Variants in ERBB4 observed in about 807,000 individuals in gnomAD.
The protein encoded by ERBB4 is erb-b2 receptor tyrosine kinase 4.
ERBB4 carries 42 observed loss-of-function variants against 158.0 expected under a neutral mutation model. That is an observed-to-expected ratio of 0.27 (90% CI 0.21 to 0.34). The LOEUF is 0.34. ERBB4 is among the 10% of genes least tolerant of loss of function. ERBB4 has a pLI of 1.00. For missense variants in ERBB4, 1,333 were observed against 1,624.1 expected (o/e 0.82, Z 3.08); for synonymous variants, 583 against 558.7 (o/e 1.04, Z -0.61).
intron 1 of ERBB4, among the ~76,000 whole-genome samples, chr2:212,160,190 C>A (rs952586897): frequency 6.6e-6 from 1 of 151,912 alleles, no homozygotes; most frequent in Non-Finnish European, 1.5e-5. Context: ...AAGACAAGAA[C>A]CAATTAGTGT....
At chr2:211,430,157 ATATATT>A (rs2063718991) in intron 21 of ERBB4, among the ~76,000 whole-genome samples, 1 of 152,170 alleles carries the variant, frequency 6.6e-6, no homozygotes, top group Non-Finnish European at 1.5e-5. Flanking sequence ...CATATAATAA[ATATATT>A]TATATGACAT....
intron 20 of ERBB4, among the ~76,000 whole-genome samples, chr2:211,435,175 T>C (rs2063822791): frequency 6.6e-6 from 1 of 152,152 alleles, no homozygotes; most frequent in Non-Finnish European, 1.5e-5. Flanking sequence ...AGTTTCAAGA[T>C]GAACAAATAA....
At chr2:211,389,177 A>G (rs975150490) in intron 25 of ERBB4, among the ~76,000 whole-genome samples, 10 of 152,234 alleles carry the variant, frequency 6.6e-5, no homozygotes, top group Non-Finnish European at 1.3e-4. Context: ...CTGGGACTAC[A>G]GGCACCTGCC....
chr2:211,506,664 AAAC>A (rs559271317), intron 20 of ERBB4, among the ~76,000 whole-genome samples: 4 of 151,904 alleles, frequency 2.6e-5, no homozygotes, highest in African/African-American at 7.2e-5. Context: ...ACTTTTGGGT[AAAC>A]AACAACAATA....
intron 20 of ERBB4, among the ~76,000 whole-genome samples, chr2:211,435,964 T>G (rs1352330274): frequency 1.3e-4 from 3 of 22,600 alleles, no homozygotes; most frequent in African/African-American, 6.6e-4. Context: ...GTTTTCTTTG[T>G]TTTTTTTTTT....
rs1490370914 is a variant in ERBB4 at position 212,221,783 on chromosome 2, C to T, written c.83-96880G>A. Reference sequence around the variant, plus strand: ...CTCATACTACTACTATTCCTTGATGCTAACAGGAGACCCAAATGTGACTTT... The same window carrying T: ...CTCATACTACTACTATTCCTTGATGTTAACAGGAGACCCAAATGTGACTTT... On this transcript the variant is annotated intron_variant, in intron 1 of 27. Transcript: ENST00000342788. 2.0e-5 allele frequency among the ~76,000 whole-genome samples: 3 copies of T among 151,590 alleles called. No homozygotes were observed. In the South Asian group the frequency reaches 6.2e-4, roughly 31 times the overall value.
At chr2:211,957,669 A>C (rs1306336863) in intron 2 of ERBB4, among the ~76,000 whole-genome samples, 1 of 152,156 alleles carries the variant, frequency 6.6e-6, no homozygotes. Flanking sequence ...GGTCTGGCTC[A>C]TAGCTATCAC....
intron 2 of ERBB4, among the ~76,000 whole-genome samples, chr2:212,007,078 T>C (rs1308877515): frequency 6.6e-6 from 1 of 152,028 alleles, no homozygotes; most frequent in Non-Finnish European, 1.5e-5. Context: ...TAAGTAGTAA[T>C]CAACATTTAC....
At chr2:211,524,238 T>TC (rs767926973) in intron 20 of ERBB4, among the ~76,000 whole-genome samples, 1 of 152,154 alleles carries the variant, frequency 6.6e-6, no homozygotes, top group Non-Finnish European at 1.5e-5. Flanking sequence ...GGGTGCTGAT[T>TC]GGTGTGTTTA....
chr2:212,318,031 A>G (rs1033711252), intron 1 of ERBB4, among the ~76,000 whole-genome samples: 5 of 151,780 alleles, frequency 3.3e-5, no homozygotes, highest in African/African-American at 1.2e-4. Flanking sequence ...TTGAATACTT[A>G]TGCTTGATCC....
intron 3 of ERBB4, among the ~76,000 whole-genome samples, chr2:211,819,221 G>A (rs1371203): frequency 0.77 from 117,460 of 151,942 alleles, 45,555 homozygotes; most frequent in Non-Finnish European, 0.8. Flanking sequence ...AAAACATTTT[G>A]TGATTGCACA....
chr2:211,523,180 T>C (rs1403263182), intron 20 of ERBB4, among the ~76,000 whole-genome samples: 2 of 138,294 alleles, frequency 1.4e-5, no homozygotes. Context: ...AAAAGCACCT[T>C]CACAAGAACC....
chr2:211,432,753 T>C (rs1307426420), intron 20 of ERBB4, among the ~76,000 whole-genome samples: 1 of 151,346 alleles, frequency 6.6e-6, no homozygotes, highest in Non-Finnish European at 1.5e-5. Flanking sequence ...GGAATATATG[T>C]TGGCAACAGG....
chr2:211,588,093 T>C (rs537143661), intron 19 of ERBB4, among the ~76,000 whole-genome samples: 4 of 152,326 alleles, frequency 2.6e-5, no homozygotes, highest in South Asian at 4.1e-4. Flanking sequence ...AAGTGATAAA[T>C]AGCAAGGTAT....
At chr2:212,081,537 C>T (rs1011273432) in intron 2 of ERBB4, among the ~76,000 whole-genome samples, 4 of 151,986 alleles carry the variant, frequency 2.6e-5, no homozygotes, top group African/African-American at 9.7e-5. Flanking sequence ...CTGAGTGGTG[C>T]TAATGTTATA....
At chr2:212,037,030 T>G (rs1446242308) in intron 2 of ERBB4, among the ~76,000 whole-genome samples, 1 of 152,210 alleles carries the variant, frequency 6.6e-6, no homozygotes, top group Admixed American at 6.5e-5. Flanking sequence ...TAGAGAAAAT[T>G]ATTCAGCTAT....
intron 1 of ERBB4, among the ~76,000 whole-genome samples, chr2:212,415,091 T>C (rs767527810): frequency 1.4e-4 from 21 of 152,210 alleles, no homozygotes; most frequent in Non-Finnish European, 2.8e-4. Flanking sequence ...GATGAGGTCA[T>C]AATCTCATTG....
chr2:212,075,633 T>C (rs2078251600), intron 2 of ERBB4, among the ~76,000 whole-genome samples: 1 of 151,654 alleles, frequency 6.6e-6, no homozygotes, highest in African/African-American at 2.4e-5. Flanking sequence ...CTTAAATAAT[T>C]ATATGGTTTA....
intron 4 of ERBB4, among the ~76,000 whole-genome samples, chr2:211,773,641 TATATATAATATATATACACAC>T (rs2075792440): frequency 2.3e-5 from 2 of 87,658 alleles, no homozygotes; most frequent in Non-Finnish European, 4.5e-5. Flanking sequence ...TATATATATA[TATATATAATATATATACACAC>T]ACACACACTT....
Sources: gnomAD v4.1 joint callset for allele counts (sites outside exome capture counted in the v4.1 genomes callset) on GRCh38, gnomAD v4.1.1 for gene constraint, MANE v1.5 for transcripts, NCBI Gene and HGNC (gene_info 2026-07-23, HGNC 2026-07-21) for gene names.